Variants in RTCB observed in about 807,000 individuals in gnomAD.
RTCB encodes RNA 2',3'-cyclic phosphate and 5'-OH ligase.
A neutral mutation model predicts 58.2 loss-of-function variants in RTCB; 32 were observed. That is an observed-to-expected ratio of 0.55 (90% CI 0.41 to 0.74). RTCB has a LOEUF of 0.74. RTCB is among the 30% of genes least tolerant of loss of function. The probability of loss-of-function intolerance (pLI) is 0.00; values close to 1 mark genes in which losing one functional copy is unlikely to be tolerated. For missense variants in RTCB, 523 were observed against 639.0 expected (o/e 0.82, Z 1.96); for synonymous variants, 247 against 218.6 (o/e 1.13, Z -1.15).
intron 3 of RTCB, 68 bp downstream of exon 3, chr22:32,408,107 C>T: frequency 2.2e-6 from 3 of 1,360,532 alleles, no homozygotes; most frequent in Non-Finnish European, 3.1e-6. Flanking sequence ...CACTATCAGG[C>T]ATGGCCATTC....
intron 9 of RTCB, 64 bp from the exon 10 acceptor site, chr22:32,394,066 A>C: frequency 8.5e-7 from 1 of 1,180,514 alleles, no homozygotes. Flanking sequence ...TATGCATAAA[A>C]TTTAAATTTT....
chr22:32,409,628 A>G (rs1390868681), intron 1 of RTCB, among the ~76,000 whole-genome samples: 13 of 152,206 alleles, frequency 8.5e-5, no homozygotes, highest in Admixed American at 8.5e-4. Flanking sequence ...CATTGCATAA[A>G]TAACAATTTA....
At chr22:32,405,094 A>G (rs1933398124) in intron 4 of RTCB, among the ~76,000 whole-genome samples, 1 of 152,236 alleles carries the variant, frequency 6.6e-6, no homozygotes, top group South Asian at 2.1e-4. Flanking sequence ...GGTGTGTAAG[A>G]TTCATTTTAT....
At chr22:32,390,112 CTG>C (rs1933127298) in intron 11 of RTCB, among the ~76,000 whole-genome samples, 1 of 152,194 alleles carries the variant, frequency 6.6e-6, no homozygotes, top group African/African-American at 2.4e-5. Context: ...CTGCTTAAAA[CTG>C]TACCCCTTCC....
intron 1 of RTCB, among the ~76,000 whole-genome samples, chr22:32,409,144 C>T (rs1277299876): frequency 6.6e-6 from 1 of 151,784 alleles, no homozygotes; most frequent in African/African-American, 2.4e-5. Context: ...TATACTCTCA[C>T]AAAGCCCAAA....
chr22:32,401,584 C>T, intron 5 of RTCB, 163 bp downstream of exon 5: 1 of 667,570 alleles, frequency 1.5e-6, no homozygotes, highest in Non-Finnish European at 2.4e-6. Flanking sequence ...CTAATGTCTC[C>T]AATAAATGGG....
At chr22:32,410,417 G>A (rs1438323098) in intron 1 of RTCB, among the ~76,000 whole-genome samples, 1 of 152,032 alleles carries the variant, frequency 6.6e-6, no homozygotes, top group Non-Finnish European at 1.5e-5. Flanking sequence ...TGGAGATTTA[G>A]TAACAGATGA....
intron 1 of RTCB, 33 bp downstream of exon 1, chr22:32,412,031 C>A (rs372554928): frequency 1.5e-5 from 24 of 1,553,382 alleles, no homozygotes; most frequent in Non-Finnish European, 1.8e-5. Context: ...GGACGGAGCA[C>A]GGAAGGCCCC....
At chr22:32,398,315 T>C (rs1366645100) in intron 6 of RTCB, among the ~76,000 whole-genome samples, 1 of 152,178 alleles carries the variant, frequency 6.6e-6, no homozygotes, top group Non-Finnish European at 1.5e-5. Context: ...GTTATATCAT[T>C]ATATGCTTGG....
At position 32,408,278 on chromosome 22, in the gene RTCB, C is replaced by A. The variant is rs989528921; in HGVS notation, c.173-36G>T. On this transcript the variant is annotated intron_variant, in intron 2 of 11. Coordinates refer to ENST00000216038, the MANE Select transcript of RTCB (RefSeq NM_014306.5). Reference sequence around the variant, plus strand: ...AAATTGGGTATTAGAAAAGACAACACACTTGATTTTTAGCATGAATTATAT... The same window carrying A: ...AAATTGGGTATTAGAAAAGACAACAAACTTGATTTTTAGCATGAATTATAT... 13 of 1,542,946 alleles carry A rather than the reference C, an allele frequency of 8.4e-6. No individual in the cohort carries two copies. In the African/African-American group the frequency reaches 1.8e-4, roughly 21 times the overall value.
At chr22:32,397,862 A>G in intron 7 of RTCB, 79 bp downstream of exon 7, 1 of 1,371,914 alleles carries the variant, frequency 7.3e-7, no homozygotes. Context: ...CCCATGCAGT[A>G]TATTTCAGAG....
intron 4 of RTCB, among the ~76,000 whole-genome samples, chr22:32,404,824 C>T (rs1030892319): frequency 2.6e-5 from 4 of 151,928 alleles, no homozygotes; most frequent in East Asian, 1.9e-4. Flanking sequence ...GCACTACAGG[C>T]GCATGCCCCC....
rs1356959753 is a variant in RTCB, at chr22:32,388,075, T to C, written c.1435A>G (p.Thr479Ala). The C allele has an allele frequency of 5.0e-6, 8 of 1,613,478 alleles. No homozygotes were observed. Among genetic ancestry groups the C allele is most frequent in the African/African-American group, 1.3e-5 (1 of 75,032 alleles). The change falls in exon 12 of 12, where the codon ACA becomes GCA. Residue 479 changes from threonine (T) to alanine (A), a missense_variant. Coordinates refer to ENST00000216038, the MANE Select transcript of RTCB (RefSeq NM_014306.5). The stretch of plus-strand genomic sequence containing the variant: ...TCATGGCAGGTATTTACCACATCTG[T>C]CACATTCTTATAGGACTCAGGAGCC... The part of the protein sequence containing the change: ...EEAPESYKNV[T>A]DVVNTCHDAG...
intron 6 of RTCB, 43 bp downstream of exon 6, chr22:32,399,560 T>C (rs761270054): frequency 6.5e-7 from 1 of 1,541,948 alleles, no homozygotes; most frequent in Non-Finnish European, 8.8e-7. Flanking sequence ...AAAAACAAAA[T>C]ATGAAAAAAA....
At chr22:32,408,716 AC>A (rs1451182265) in intron 2 of RTCB, 38 bp downstream of exon 2, 1 of 1,427,702 alleles carries the variant, frequency 7.0e-7, no homozygotes, top group Non-Finnish European at 9.9e-7. Context: ...CAGGGAAGGC[AC>A]TACCGTACTA....
In RTCB at chr22:32,397,922, C is replaced by G; in HGVS notation, c.814+19G>C. ...GTTGCCCATAAAATGTACATTTTAG[C>G]ACAAAGTCTAGAATATACCTGTGGC... On this transcript the variant is annotated intron_variant, in intron 7 of 11. Transcript: ENST00000216038. 1 of 1,582,734 alleles carries G rather than the reference C, an allele frequency of 6.3e-7. No individual in the cohort carries two copies. The highest frequency in any genetic ancestry group is 8.6e-7 in the Non-Finnish European group (1 of 1,167,584).
intron 6 of RTCB, among the ~76,000 whole-genome samples, chr22:32,398,548 C>T (rs1933283207): frequency 6.6e-6 from 1 of 152,084 alleles, no homozygotes; most frequent in Non-Finnish European, 1.5e-5. Context: ...GTGCAGCAAA[C>T]CACCATGGCA....
intron 5 of RTCB, among the ~76,000 whole-genome samples, chr22:32,400,389 C>G (rs1313630821): frequency 6.6e-6 from 1 of 152,196 alleles, no homozygotes; most frequent in Non-Finnish European, 1.5e-5. Context: ...TCTTCTAAAA[C>G]ACTGCCAGGA....
intron 3 of RTCB, 28 bp from the exon 4 acceptor site, chr22:32,406,789 A>C: frequency 4.0e-6 from 6 of 1,493,576 alleles, no homozygotes; most frequent in Non-Finnish European, 5.6e-6. Flanking sequence ...AATGAAATAC[A>C]AGTGTCTTGA....
Sources: allele counts gnomAD v4.1 joint callset (sites outside exome capture counted in the v4.1 genomes callset), GRCh38; gene constraint gnomAD v4.1.1; transcripts MANE v1.5; gene names NCBI Gene and HGNC (gene_info 2026-07-23, HGNC 2026-07-21).